The following SPIN1 variants were observed in gnomAD, a reference collection of about 807,000 sequenced individuals.
SPIN1 encodes the protein spindlin 1.
SPIN1 carries 3 observed loss-of-function variants against 26.0 expected under a neutral mutation model. The ratio of observed to expected loss-of-function variants is 0.12; its 90% CI spans 0.05 to 0.30. The LOEUF (loss-of-function observed/expected upper bound fraction) is 0.30, where lower values mean the gene tolerates loss of function less well. Ranked by LOEUF, SPIN1 falls within the 10% of genes least tolerant of loss-of-function variation. The probability of loss-of-function intolerance (pLI) is 1.00; values close to 1 mark genes in which losing one functional copy is unlikely to be tolerated. For missense variants in SPIN1, 126 were observed against 333.4 expected, an observed-to-expected ratio of 0.38 and a Z score of 4.84; for synonymous variants, 101 against 116.5, an observed-to-expected ratio of 0.87 and a Z score of 0.86.
intron 1 of SPIN1, among the ~76,000 whole-genome samples, chr9:88,403,724 A>G (rs545451679): frequency 3.9e-4 from 60 of 151,906 alleles, no homozygotes; most frequent in Middle Eastern, 6.8e-3. Flanking sequence ...AAAGCGGGGG[A>G]AAAAAAAGAA....
In SPIN1 at chr9:88,476,394, CAG is replaced by C. The variant is rs1763510434; in HGVS notation, c.*1121_*1122del. The stretch of plus-strand genomic sequence containing the variant: ...ATTATTGCTAATGTATGATTATGGT[CAG>C]AGACTTTCAACCCACCCCTTCCTGC... On this transcript the variant is annotated 3_prime_UTR_variant, in exon 6 of 6. Transcript: ENST00000375859. The C allele has an allele frequency of 6.6e-6, 1 of 152,318 alleles. No individual in the cohort carries two copies. Among genetic ancestry groups the C allele is most frequent in the African/African-American group, 2.4e-5 (1 of 41,556 alleles). The allele number at this position is 152,318 out of a possible 1,614,324, so 9.4% of individuals were successfully genotyped here.
At chr9:88,435,354 A>G (rs1054453873) in intron 2 of SPIN1, among the ~76,000 whole-genome samples, 1 of 151,954 alleles carries the variant, frequency 6.6e-6, no homozygotes, top group Non-Finnish European at 1.5e-5. Flanking sequence ...CGCTGGGACT[A>G]CAGGCATGCA....
intron 3 of SPIN1, among the ~76,000 whole-genome samples, chr9:88,461,496 T>C (rs1828576011): frequency 6.6e-6 from 1 of 152,218 alleles, no homozygotes; most frequent in Non-Finnish European, 1.5e-5. Context: ...ATTATTTCTA[T>C]TTAGAAAATA....
chr9:88,420,166 G>C (rs1052389125), intron 1 of SPIN1, among the ~76,000 whole-genome samples: 4 of 152,160 alleles, frequency 2.6e-5, no homozygotes, highest in Non-Finnish European at 5.9e-5. Context: ...ACCTGAGGTT[G>C]GGAGTTCGAG....
chr9:88,422,053 A>G (rs1587788147), intron 1 of SPIN1, among the ~76,000 whole-genome samples: 2 of 152,164 alleles, frequency 1.3e-5, no homozygotes, highest in African/African-American at 4.8e-5. Flanking sequence ...TGAAGGGTCA[A>G]GATTGCTCCA....
Position 88,458,103 on chromosome 9 carries a change from A to G in SPIN1, c.102-4393A>G, listed in dbSNP as rs528149581. The G allele has an allele frequency of 8.6e-5, 51 of 594,352 alleles. No individual in the cohort carries two copies. The South Asian group carries it at 2.5e-3, about 29-fold the overall frequency. 36.8% of individuals were successfully genotyped at this position (594,352 alleles called of 1,614,324 possible). ...ATGAAAGTTTAGGTATAATATATGC[A>G]AAGTTAAAGATAATTGTTGGAAGAC... On this transcript the variant is annotated intron_variant, in intron 3 of 5. Coordinates refer to ENST00000375859, the MANE Select transcript of SPIN1 (RefSeq NM_006717.3).
At chr9:88,433,071 G>T (rs1226427607) in intron 2 of SPIN1, among the ~76,000 whole-genome samples, 2 of 151,276 alleles carry the variant, frequency 1.3e-5, no homozygotes, top group African/African-American at 4.9e-5. Flanking sequence ...ATGTTTCTGG[G>T]GATATAAATT....
At chr9:88,430,916 C>G (rs1336676998) in intron 2 of SPIN1, among the ~76,000 whole-genome samples, 2 of 118,712 alleles carry the variant, frequency 1.7e-5, no homozygotes, top group Non-Finnish European at 3.4e-5. Flanking sequence ...GAGTTTTGCT[C>G]TTGTTGCCCA....
chr9:88,397,256 A>G (rs912368617), intron 1 of SPIN1, among the ~76,000 whole-genome samples: 4 of 152,114 alleles, frequency 2.6e-5, no homozygotes, highest in African/African-American at 9.7e-5. Flanking sequence ...GCCTCATAAT[A>G]TGGATCCACT....
intron 1 of SPIN1, among the ~76,000 whole-genome samples, chr9:88,419,889 G>A (rs375814026): frequency 2.0e-5 from 3 of 152,312 alleles, no homozygotes; most frequent in African/African-American, 7.2e-5. Flanking sequence ...CCAGAAATCA[G>A]GAGAGAGGAA....
chr9:88,468,614 A>G lies in SPIN1; in HGVS notation c.589+9A>G. ...CATTATGCCTGATTCCAGTAAGTAT[A>G]TATTGGCAACTTTTATATGTGATAA... is the stretch of plus-strand genomic sequence containing the variant. On this transcript the variant is annotated intron_variant, in intron 5 of 5. Transcript: ENST00000375859. The G allele has an allele frequency of 2.0e-6, 3 of 1,468,932 alleles. No individual in the cohort carries two copies. The highest frequency in any genetic ancestry group is 2.7e-6 in the Non-Finnish European group (3 of 1,105,210). The allele number at this position is 1,468,932 out of a possible 1,614,324, so 91.0% of individuals were successfully genotyped here.
At chr9:88,444,517 A>G (rs1386118690) in intron 2 of SPIN1, among the ~76,000 whole-genome samples, 1 of 151,906 alleles carries the variant, frequency 6.6e-6, no homozygotes, top group Non-Finnish European at 1.5e-5. Context: ...TGCTGGGATC[A>G]CAGGCGTGAG....
At position 88,477,209 on chromosome 9, in the gene SPIN1, G is replaced by A. The variant is rs1342250161; in HGVS notation, c.*1932G>A. 6.6e-6 allele frequency: 1 copy of A among 152,226 alleles called. No individual in the cohort carries two copies. The highest frequency in any genetic ancestry group is 1.5e-5 in the Non-Finnish European group (1 of 68,066). 9.4% of individuals were successfully genotyped at this position (152,226 alleles called of 1,614,324 possible). On this transcript the variant is annotated 3_prime_UTR_variant, in exon 6 of 6. Coordinates refer to ENST00000375859, the MANE Select transcript of SPIN1 (RefSeq NM_006717.3). ...GTCCCTGCATGTAAATCTCAAAGCT[G>A]AGCCTGGCTCCCAGAGTCCAGACTG...
intron 4 of SPIN1, among the ~76,000 whole-genome samples, chr9:88,464,782 T>C (rs1828630012): frequency 6.6e-6 from 1 of 152,210 alleles, no homozygotes; most frequent in South Asian, 2.1e-4. Context: ...TAAAATTTAC[T>C]GTCCTAACCA....
chr9:88,443,743 G>T (rs868120793), intron 2 of SPIN1, among the ~76,000 whole-genome samples: 1 of 152,168 alleles, frequency 6.6e-6, no homozygotes, highest in African/African-American at 2.4e-5. Flanking sequence ...ATGATTGCCC[G>T]TCAATCTTTT....
At chr9:88,426,682 C>A in intron 2 of SPIN1, 91 bp downstream of exon 2, 1 of 1,125,920 alleles carries the variant, frequency 8.9e-7, no homozygotes, top group Non-Finnish European at 1.3e-6. Context: ...CACATAATAG[C>A]TAGTGAAAAA....
chr9:88,402,605 G>T (rs1386409125), intron 1 of SPIN1, among the ~76,000 whole-genome samples: 2 of 150,002 alleles, frequency 1.3e-5, no homozygotes, highest in Admixed American at 1.3e-4. Context: ...TTAACATAAT[G>T]ACCTCCAGCT....
At chr9:88,413,942 T>C (rs1056657) in intron 1 of SPIN1, among the ~76,000 whole-genome samples, 2,473 of 152,026 alleles carry the variant, frequency 0.016, 63 homozygotes, top group African/African-American at 0.057. Flanking sequence ...AGTACAAATG[T>C]GGAGGTTTCC....
intron 1 of SPIN1, among the ~76,000 whole-genome samples, chr9:88,398,928 C>G (rs1018963539): frequency 6.6e-6 from 1 of 151,350 alleles, no homozygotes; most frequent in East Asian, 1.9e-4. Flanking sequence ...AAATGAAACC[C>G]CTAGGATGGA....
Sources: gnomAD v4.1 joint callset for allele counts (sites outside exome capture counted in the v4.1 genomes callset) on GRCh38, gnomAD v4.1.1 for gene constraint, MANE v1.5 for transcripts, NCBI Gene and HGNC (gene_info 2026-07-23, HGNC 2026-07-21) for gene names.